FOXP4: variants seen among roughly 807,000 people sequenced by gnomAD.
FOXP4 encodes the protein forkhead box protein P4.
Under a neutral mutation model 82.6 loss-of-function variants are expected in FOXP4, and 25 were observed. The observed-to-expected ratio is 0.30, with a 90% confidence interval of 0.22 to 0.42. The LOEUF is 0.42. FOXP4 is among the 10% of genes least tolerant of loss of function. The probability of loss-of-function intolerance (pLI) is 1.00; values close to 1 mark genes in which losing one functional copy is unlikely to be tolerated. For synonymous variants in FOXP4, 415 were observed against 388.2 expected, an observed-to-expected ratio of 1.07 and a Z score of -0.81; for missense variants, 785 against 900.9, an observed-to-expected ratio of 0.87 and a Z score of 1.65.
chr6:41,548,275 G>A (rs1000052567), intron 1 of FOXP4: 1 of 152,260 alleles, frequency 6.6e-6, no homozygotes, highest in Admixed American at 6.5e-5. Flanking sequence ...CTGGAGCCGG[G>A]AATAGGGGTG....
chr6:41,563,421 CTCTT>C (rs1235707123), intron 1 of FOXP4, among the ~76,000 whole-genome samples: 6 of 152,208 alleles, frequency 3.9e-5, no homozygotes, highest in Non-Finnish European at 8.8e-5. Context: ...ACAGTCCAGT[CTCTT>C]TCCGCAGTTT....
At chr6:41,595,246 G>A (rs558973567) in intron 14 of FOXP4, among the ~76,000 whole-genome samples, 5 of 152,368 alleles carry the variant, frequency 3.3e-5, no homozygotes, top group African/African-American at 7.2e-5. Context: ...GGCCAAGAAG[G>A]AGGCCTGGTA....
chr6:41,549,713 G>A (rs1473959652), intron 1 of FOXP4, among the ~76,000 whole-genome samples: 1 of 143,656 alleles, frequency 7.0e-6, no homozygotes, highest in Non-Finnish European at 1.5e-5. Context: ...TGGGGTAGGA[G>A]AGACAGATAT....
At chr6:41,567,788 C>G (rs1319149369) in intron 2 of FOXP4, among the ~76,000 whole-genome samples, 1 of 152,212 alleles carries the variant, frequency 6.6e-6, no homozygotes, top group African/African-American at 2.4e-5. Context: ...GTTTTCCCAT[C>G]TATATTCCAC....
At chr6:41,584,989 A>C in intron 4 of FOXP4, 98 bp downstream of exon 4, 1 of 1,431,024 alleles carries the variant, frequency 7.0e-7, no homozygotes, top group Non-Finnish European at 9.2e-7. Context: ...CTGTCCCAGA[A>C]ACCAGAGAGA....
chr6:41,584,836 CGCCCCCGCA>C lies in FOXP4; in HGVS notation c.371_379del (p.Pro124_Gln126del). Reference sequence around the variant, plus strand: ...CCGCAACAGATGCAGCAGATCCTGTCGCCCCCGCAGCTGCAGGCCTTGCTCCAGCAGCAG... The same window carrying C: ...CCGCAACAGATGCAGCAGATCCTGTCGCTGCAGGCCTTGCTCCAGCAGCAG... On this transcript the variant is annotated inframe_deletion, in exon 4 of 17. Transcript: ENST00000307972. 6.2e-7 allele frequency: 1 copy of C among 1,609,828 alleles called. No individual in the cohort carries two copies. Among genetic ancestry groups the C allele is most frequent in the Non-Finnish European group, 8.5e-7 (1 of 1,178,320 alleles).
chr6:41,598,065 C>A, intron 16 of FOXP4, 115 bp downstream of exon 16: 1 of 850,688 alleles, frequency 1.2e-6, no homozygotes, highest in Admixed American at 3.3e-5. Flanking sequence ...CGCCTCTCCC[C>A]AGGACAAGTG....
Position 41,567,271 on chromosome 6 carries a change from C to T in FOXP4, c.204+1307C>T, listed in dbSNP as rs139851112. 2.8e-3 allele frequency among the ~76,000 whole-genome samples: 423 copies of T among 152,310 alleles called. 1 individual carries two copies. Among genetic ancestry groups the T allele is most frequent in the African/African-American group, 9.8e-3 (406 of 41,556 alleles). ...ATTTGGGTGTGCAACACATGCAGCTCATTTGTTGATGTGGATGTGAGTGGA... is the reference window on the plus strand; with the variant it reads ...ATTTGGGTGTGCAACACATGCAGCTTATTTGTTGATGTGGATGTGAGTGGA... On this transcript the variant is annotated intron_variant, in intron 2 of 16. Coordinates refer to ENST00000307972, the MANE Select transcript of FOXP4 (RefSeq NM_001012426.2).
At chr6:41,572,393 TAGA>T (rs1177039268) in intron 2 of FOXP4, among the ~76,000 whole-genome samples, 14 of 152,108 alleles carry the variant, frequency 9.2e-5, no homozygotes. Flanking sequence ...CTCGGCCCAT[TAGA>T]ACGTGAGCCC....
Position 41,553,088 on chromosome 6 carries a change from C to T in FOXP4, c.-17+6221C>T, listed in dbSNP as rs548206690. On this transcript the variant is annotated intron_variant, in intron 1 of 16. Transcript: ENST00000307972. ...TACACCCTCTTTGTTCCAAGGGCAT[C>T]GGGAGCCTACTTCCATGGGTCCTTC... Among the ~76,000 whole-genome samples the T allele has an allele frequency of 1.7e-4, 26 of 152,214 alleles. No individual in the cohort carries two copies. In the South Asian group the frequency reaches 5.4e-3, roughly 32 times the overall value.
chr6:41,548,559 CG>C (rs1763802593), intron 1 of FOXP4: 1 of 152,346 alleles, frequency 6.6e-6, no homozygotes, highest in African/African-American at 2.4e-5. Flanking sequence ...CCTGTAGCTG[CG>C]GGAAGGTCTG....
At chr6:41,572,424 C>T (rs1765254108) in intron 2 of FOXP4, among the ~76,000 whole-genome samples, 1 of 152,178 alleles carries the variant, frequency 6.6e-6, no homozygotes, top group Non-Finnish European at 1.5e-5. Context: ...GATGCTGAGT[C>T]CCCAGTACTG....
rs186223161 is a variant in FOXP4, at chr6:41,561,497, T to C, written c.-16-4248T>C. On this transcript the variant is annotated intron_variant, in intron 1 of 16. Coordinates refer to ENST00000307972, the MANE Select transcript of FOXP4 (RefSeq NM_001012426.2). ...CACACAGCTGAGCCTAGAAACCAGA[T>C]GGTCTAATTCTCAGAGCCTCTGCCT... is the stretch of plus-strand genomic sequence containing the variant. Among the ~76,000 whole-genome samples the C allele has an allele frequency of 2.0e-5, 3 of 152,304 alleles. No individual in the cohort carries two copies. In the East Asian group the frequency reaches 5.8e-4, roughly 29 times the overall value.
At position 41,578,076 on chromosome 6, in the gene FOXP4, G is replaced by A. The variant is rs1441089140; in HGVS notation, c.295G>A (p.Val99Met). 1.9e-6 allele frequency: 3 copies of A among 1,613,328 alleles called. No individual in the cohort carries two copies. The highest frequency in any genetic ancestry group is 1.6e-4 in the Middle Eastern group (1 of 6,062). ...NNDSKQSASA[V>M]QVPVSVAMMS... ...TGACAGCAAACAGTCTGCCTCTGCT[G>A]TGCAGGTGAGGAAGAGAGCACCCCG... The change falls in exon 3 of 17, where the codon GTG (valine) becomes ATG (methionine). Residue 99 changes from valine (V) to methionine (M), a missense_variant. Transcript: ENST00000307972.
intron 1 of FOXP4, among the ~76,000 whole-genome samples, chr6:41,555,751 C>T (rs1291525032): frequency 6.6e-6 from 1 of 152,144 alleles, no homozygotes; most frequent in Non-Finnish European, 1.5e-5. Context: ...CTTTGATATG[C>T]TAATTAGGGA....
chr6:41,547,362 G>A (rs1763700282), intron 1 of FOXP4: 1 of 152,284 alleles, frequency 6.6e-6, no homozygotes, highest in Non-Finnish European at 1.5e-5. Context: ...AGCTGGGAAG[G>A]GAAGTGGCTC....
chr6:41,576,841 CT>C, intron 2 of FOXP4, among the ~76,000 whole-genome samples: 1 of 152,298 alleles, frequency 6.6e-6, no homozygotes, highest in African/African-American at 2.4e-5. Flanking sequence ...AGACCCAGGA[CT>C]GCCTAAGGTT....
chr6:41,600,297 C>G lies in FOXP4; in HGVS notation c.*1361C>G, dbSNP rs982688980. 6.6e-6 allele frequency: 1 copy of G among 152,666 alleles called. No individual in the cohort carries two copies. The highest frequency in any genetic ancestry group is 1.5e-5 in the Non-Finnish European group (1 of 68,180). The allele number at this position is 152,666 out of a possible 1,614,324, so 9.5% of individuals were successfully genotyped here. ...CCCTGGGCTGCTTCCTGGGGGCTCTCCAGACCCCTCTCTAGGACCAAGTCA... is the reference window on the plus strand; with the variant it reads ...CCCTGGGCTGCTTCCTGGGGGCTCTGCAGACCCCTCTCTAGGACCAAGTCA... On this transcript the variant is annotated 3_prime_UTR_variant, in exon 17 of 17. Transcript: ENST00000307972.
chr6:41,597,767 C>T lies in FOXP4; in HGVS notation c.1726-14C>T. On this transcript the variant is annotated splice_polypyrimidine_tract_variant and intron_variant, in intron 15 of 16. Transcript: ENST00000307972. The stretch of plus-strand genomic sequence containing the variant: ...GTGGAGCCACTGACGAGGCCCAACC[C>T]TGTGCCCCTGCAGGCCGCCCTGGCC... 6.2e-7 allele frequency: 1 copy of T among 1,603,836 alleles called. No homozygotes were observed. The highest frequency in any genetic ancestry group is 1.7e-5 in the Admixed American group (1 of 59,614).
Sources: gnomAD v4.1 joint callset for allele counts (sites outside exome capture counted in the v4.1 genomes callset) on GRCh38, gnomAD v4.1.1 for gene constraint, MANE v1.5 for transcripts, NCBI Gene and HGNC (gene_info 2026-07-23, HGNC 2026-07-21) for gene names.